Variants in ERC1 observed in about 807,000 individuals in gnomAD.
ERC1 encodes ELKS/RAB6-interacting/CAST family member 1.
In ERC1, 56 loss-of-function variants were observed where a neutral mutation model predicts 132.0. The ratio of observed to expected loss-of-function variants is 0.42; its 90% CI spans 0.34 to 0.53. The LOEUF (loss-of-function observed/expected upper bound fraction) is 0.53. Among genes scored for constraint, ERC1 ranks in the 20% least tolerant of loss-of-function variants. ERC1 has a pLI of 0.03. For missense variants in ERC1, 1,202 were observed against 1,349.9 expected (o/e 0.89, Z 1.72); for synonymous variants, 478 against 476.1 (o/e 1.00, Z -0.05).
chr12:1,339,368 G>A (rs1298451028), intron 15 of ERC1, among the ~76,000 whole-genome samples: 2 of 145,350 alleles, frequency 1.4e-5, no homozygotes, highest in African/African-American at 5.2e-5. Context: ...CCCCCATGTA[G>A]GCATTCACTG....
chr12:1,417,506 G>A (rs756990397), intron 17 of ERC1, among the ~76,000 whole-genome samples: 10 of 151,478 alleles, frequency 6.6e-5, no homozygotes, highest in South Asian at 2.1e-4. Flanking sequence ...GAGGCCGAGC[G>A]CGGTGGCTCA....
intron 12 of ERC1, among the ~76,000 whole-genome samples, chr12:1,230,505 T>C (rs1362634838): frequency 6.6e-6 from 1 of 152,242 alleles, no homozygotes; most frequent in Non-Finnish European, 1.5e-5. Context: ...ACATATGTTA[T>C]ATTCTGGGGA....
At chr12:1,256,597 T>A (rs891418447) in intron 13 of ERC1, among the ~76,000 whole-genome samples, 1 of 150,768 alleles carries the variant, frequency 6.6e-6, no homozygotes, top group Admixed American at 6.6e-5. Context: ...TTGAACTATT[T>A]ATGAATACGT....
At chr12:1,190,117 G>A (rs1955557176) in intron 12 of ERC1, 65 bp downstream of exon 12, 2 of 1,388,700 alleles carry the variant, frequency 1.4e-6, no homozygotes, top group East Asian at 2.3e-5. Context: ...ATGCTTTTGG[G>A]GACATACTTT....
chr12:1,143,741 C>T (rs1378351317), intron 8 of ERC1, among the ~76,000 whole-genome samples: 1 of 151,850 alleles, frequency 6.6e-6, no homozygotes, highest in African/African-American at 2.4e-5. Flanking sequence ...GTATATCTTT[C>T]CATGAATTCA....
intron 18 of ERC1, among the ~76,000 whole-genome samples, chr12:1,487,995 G>C (rs905012956): frequency 6.6e-6 from 1 of 151,954 alleles, no homozygotes; most frequent in Non-Finnish European, 1.5e-5. Flanking sequence ...AAAATTAGCT[G>C]GGCGTGGTAG....
chr12:1,030,670 G>A (rs1318268877), intron 2 of ERC1, among the ~76,000 whole-genome samples: 1 of 152,166 alleles, frequency 6.6e-6, no homozygotes, highest in African/African-American at 2.4e-5. Flanking sequence ...ACAGTCAGCC[G>A]AGATTGGGCC....
intron 3 of ERC1, among the ~76,000 whole-genome samples, chr12:1,102,928 G>C (rs1054062743): frequency 6.6e-6 from 1 of 152,144 alleles, no homozygotes; most frequent in Non-Finnish European, 1.5e-5. Context: ...AGTAAGAACT[G>C]CATGATGAAT....
chr12:1,040,382 C>T lies in ERC1; in HGVS notation c.669+11810C>T, dbSNP rs1592880015. Among the ~76,000 whole-genome samples the T allele has an allele frequency of 3.4e-5, 5 of 145,054 alleles. No individual in the cohort carries two copies. In the South Asian group the frequency reaches 8.6e-4, roughly 25 times the overall value. ...TGTCAACCAGGCTGGAGTGCAGTGG[C>T]GCAATACTCCGCCTCCCGAGTTCAT... On this transcript the variant is annotated intron_variant, in intron 2 of 18. Transcript: ENST00000360905.
chr12:1,324,320 A>C (rs960604944), intron 15 of ERC1, among the ~76,000 whole-genome samples: 13 of 152,190 alleles, frequency 8.5e-5, no homozygotes, highest in African/African-American at 3.1e-4. Context: ...CCCTAGGAGC[A>C]ACTGGGAGGG....
chr12:1,158,699 T>C (rs559756435), intron 8 of ERC1, among the ~76,000 whole-genome samples: 36 of 152,018 alleles, frequency 2.4e-4, no homozygotes, highest in African/African-American at 8.2e-4. Flanking sequence ...GTGATTTGCC[T>C]GCCTTGGCCT....
intron 8 of ERC1, among the ~76,000 whole-genome samples, chr12:1,173,887 T>C (rs1286356428): frequency 6.6e-6 from 1 of 151,966 alleles, no homozygotes; most frequent in Non-Finnish European, 1.5e-5. Flanking sequence ...GATGCTGAAT[T>C]CAGTGAGTGA....
intron 7 of ERC1, among the ~76,000 whole-genome samples, chr12:1,124,230 T>A (rs1051830441): frequency 6.6e-6 from 1 of 152,148 alleles, no homozygotes; most frequent in African/African-American, 2.4e-5. Context: ...ATGTACTGGG[T>A]CATAAAGGAA....
rs1555389413 is a variant in ERC1, at chr12:1,394,046, C to CAAAAAA, written c.2926-14102_2926-14101insAAAAAA. Reference sequence around the variant, plus strand: ...AAAAAAAAAAAAACAAAAAAAAAACCACAAAGCATTAAGCAATTTAATTTC... The same window carrying CAAAAAA: ...AAAAAAAAAAAAACAAAAAAAAAACCAAAAAAACAAAGCATTAAGCAATTTAATTTC... On this transcript the variant is annotated intron_variant, in intron 16 of 18. Transcript: ENST00000360905. Among the ~76,000 whole-genome samples, 58 of 70,832 alleles carry CAAAAAA rather than the reference C, an allele frequency of 8.2e-4. 3 individuals carry two copies. Among genetic ancestry groups the CAAAAAA allele is most frequent in the African/African-American group, 2.8e-3 (56 of 20,010 alleles). The allele number at this position is 70,832 out of a possible 152,430, so 46.5% of individuals were successfully genotyped here.
chr12:996,086 G>C (rs1960788874), intron 1 of ERC1, among the ~76,000 whole-genome samples: 1 of 142,612 alleles, frequency 7.0e-6, no homozygotes, highest in African/African-American at 2.8e-5. Context: ...TTACTTCTCT[G>C]TTTTTTTTGT....
intron 15 of ERC1, among the ~76,000 whole-genome samples, chr12:1,350,047 C>T (rs1034867651): frequency 3.3e-5 from 5 of 152,170 alleles, no homozygotes; most frequent in African/African-American, 1.2e-4. Context: ...AAAAGGGGCT[C>T]CTCCTGGTTT....
intron 17 of ERC1, among the ~76,000 whole-genome samples, chr12:1,425,689 C>A (rs1032196895): frequency 2.6e-5 from 4 of 152,180 alleles, no homozygotes; most frequent in African/African-American, 9.7e-5. Context: ...GCCAAACTTA[C>A]TTTTTTTCTG....
At chr12:1,252,267 A>T (rs1475602889) in intron 13 of ERC1, among the ~76,000 whole-genome samples, 4 of 152,210 alleles carry the variant, frequency 2.6e-5, no homozygotes, top group Non-Finnish European at 5.9e-5. Context: ...GTATGCAAAT[A>T]GTCCATTTTC....
chr12:1,433,935 C>T (rs1335450299), intron 17 of ERC1, among the ~76,000 whole-genome samples: 1 of 145,056 alleles, frequency 6.9e-6, no homozygotes, highest in Non-Finnish European at 1.5e-5. Flanking sequence ...GCTGTGATCA[C>T]ACCACTGCAC....
Sources: allele counts gnomAD v4.1 joint callset (sites outside exome capture counted in the v4.1 genomes callset), GRCh38; gene constraint gnomAD v4.1.1; transcripts MANE v1.5; gene names NCBI Gene and HGNC (gene_info 2026-07-23, HGNC 2026-07-21).